The following ROBO2 variants were observed in gnomAD, a reference collection of about 807,000 sequenced individuals.
ROBO2 encodes roundabout homolog 2.
Under a neutral mutation model 160.8 loss-of-function variants are expected in ROBO2, and 53 were observed. The ratio of observed to expected loss-of-function variants is 0.33; its 90% CI spans 0.26 to 0.41. The LOEUF (loss-of-function observed/expected upper bound fraction) is 0.41, where lower values mean the gene tolerates loss of function less well. ROBO2 is among the 10% of genes least tolerant of loss of function. The pLI, the probability that ROBO2 is intolerant of heterozygous loss-of-function variation, is 1.00. For missense variants in ROBO2, 1,577 were observed against 1,722.4 expected (o/e 0.92, Z 1.49); for synonymous variants, 664 against 611.7 (o/e 1.09, Z -1.26).
At chr3:77,341,276 G>A (rs1238123886) in intron 2 of ROBO2, among the ~76,000 whole-genome samples, 1 of 152,028 alleles carries the variant, frequency 6.6e-6, no homozygotes, top group African/African-American at 2.4e-5. Flanking sequence ...TTCTATTAGA[G>A]CAGAGGTGAA....
At chr3:76,645,256 A>G (rs967552534) in intron 2 of ROBO2, among the ~76,000 whole-genome samples, 24 of 152,212 alleles carry the variant, frequency 1.6e-4, no homozygotes, top group African/African-American at 5.5e-4. Context: ...GGGGATTTCA[A>G]AAAGCTTGTA....
At chr3:76,727,644 G>A (rs967023486) in intron 2 of ROBO2, among the ~76,000 whole-genome samples, 7 of 152,100 alleles carry the variant, frequency 4.6e-5, no homozygotes, top group South Asian at 2.1e-4. Context: ...AGTTGGGCAC[G>A]GAAACAAATA....
At chr3:76,438,084 T>G (rs1329260608) in intron 2 of ROBO2, among the ~76,000 whole-genome samples, 1 of 152,130 alleles carries the variant, frequency 6.6e-6, no homozygotes, top group African/African-American at 2.4e-5. Flanking sequence ...ATAACTTTGT[T>G]GGATTTGCAA....
chr3:76,693,065 A>G (rs2092841408), intron 2 of ROBO2, among the ~76,000 whole-genome samples: 1 of 149,470 alleles, frequency 6.7e-6, no homozygotes, highest in African/African-American at 2.4e-5. Context: ...TATAGTGTGT[A>G]TCTATATATA....
At chr3:76,863,961 CTGT>C (rs1167522537) in intron 2 of ROBO2, among the ~76,000 whole-genome samples, 1 of 152,034 alleles carries the variant, frequency 6.6e-6, no homozygotes, top group Admixed American at 6.6e-5. Flanking sequence ...AGGAATTTCA[CTGT>C]CATGAAATAT....
intron 2 of ROBO2, among the ~76,000 whole-genome samples, chr3:76,020,995 T>A (rs1301773927): frequency 6.6e-6 from 1 of 151,872 alleles, no homozygotes; most frequent in Admixed American, 6.6e-5. Context: ...TTTTACTGAA[T>A]GCACTTTATC....
At chr3:77,511,280 A>G (rs1221570006) in intron 5 of ROBO2, among the ~76,000 whole-genome samples, 1 of 151,958 alleles carries the variant, frequency 6.6e-6, no homozygotes, top group African/African-American at 2.4e-5. Context: ...AGACAGCCAC[A>G]GGCTACACTG....
intron 2 of ROBO2, among the ~76,000 whole-genome samples, chr3:75,954,112 G>T (rs1346411810): frequency 6.6e-6 from 1 of 151,828 alleles, no homozygotes; most frequent in Admixed American, 6.6e-5. Context: ...CATAAAGGAA[G>T]CAGGTCAAAA....
chr3:76,320,210 C>T (rs1204228239), intron 2 of ROBO2, among the ~76,000 whole-genome samples: 1 of 152,048 alleles, frequency 6.6e-6, no homozygotes, highest in Non-Finnish European at 1.5e-5. Context: ...GTACCTTTAG[C>T]AATAATATTT....
At chr3:76,878,354 A>T (rs2072991007) in intron 2 of ROBO2, among the ~76,000 whole-genome samples, 1 of 152,212 alleles carries the variant, frequency 6.6e-6, no homozygotes, top group Non-Finnish European at 1.5e-5. Flanking sequence ...AAATGACACA[A>T]GGTGCTTTAT....
intron 2 of ROBO2, among the ~76,000 whole-genome samples, chr3:76,503,775 G>A (rs2080612664): frequency 1.3e-5 from 2 of 152,248 alleles, no homozygotes; most frequent in African/African-American, 4.8e-5. Context: ...AGAGTCAAAC[G>A]GTGATTAGTG....
chr3:76,801,669 C>G (rs1331901298), intron 2 of ROBO2, among the ~76,000 whole-genome samples: 1 of 152,014 alleles, frequency 6.6e-6, no homozygotes, highest in Non-Finnish European at 1.5e-5. Context: ...TGCCGTTTTG[C>G]TTTCTTATCA....
At chr3:77,289,988 CG>C (rs1387982607) in intron 2 of ROBO2, among the ~76,000 whole-genome samples, 3 of 150,292 alleles carry the variant, frequency 2.0e-5, no homozygotes, top group African/African-American at 7.4e-5. Context: ...GATGGTTAAA[CG>C]GGTAAACTGA....
At chr3:77,133,557 G>C (rs185044870) in intron 2 of ROBO2, among the ~76,000 whole-genome samples, 1 of 152,278 alleles carries the variant, frequency 6.6e-6, no homozygotes, top group Admixed American at 6.5e-5. Context: ...AAAGAACTGT[G>C]TATTTTGCAA....
intron 2 of ROBO2, among the ~76,000 whole-genome samples, chr3:76,666,930 A>T (rs2092071571): frequency 1.3e-5 from 2 of 150,190 alleles, no homozygotes; most frequent in Non-Finnish European, 3.0e-5. Flanking sequence ...CTCTGATAAT[A>T]TTTCTATGTC....
rs141465535 is a variant in ROBO2, at chr3:76,368,428, ATTG to A, written c.109+430832_109+430834del. Reference sequence around the variant, plus strand: ...TATATGTCATTGACCAAGGCCAGCAATTGTTGTTCAGCAGCCTCAAGAAATAAT... The same window carrying A: ...TATATGTCATTGACCAAGGCCAGCAATTGTTCAGCAGCCTCAAGAAATAAT... On this transcript the variant is annotated intron_variant, in intron 2 of 26. Transcript: ENST00000487694. Among the ~76,000 whole-genome samples the A allele has an allele frequency of 4.9e-3, 748 of 152,016 alleles. 8 individuals are homozygous for A. The highest frequency in any genetic ancestry group is 0.025 in the Admixed American group (385 of 15,244).
At chr3:76,260,864 C>A (rs988098743) in intron 2 of ROBO2, among the ~76,000 whole-genome samples, 2 of 151,912 alleles carry the variant, frequency 1.3e-5, no homozygotes, top group Non-Finnish European at 2.9e-5. Flanking sequence ...AGCAATAAAC[C>A]TGAATGGTCC....
intron 2 of ROBO2, among the ~76,000 whole-genome samples, chr3:77,417,454 G>A (rs913324885): frequency 2.7e-5 from 4 of 147,640 alleles, no homozygotes; most frequent in Non-Finnish European, 6.2e-5. Context: ...TATGCCCAGT[G>A]GAAAATGATA....
At chr3:76,463,882 G>A in intron 2 of ROBO2, among the ~76,000 whole-genome samples, 1 of 152,180 alleles carries the variant, frequency 6.6e-6, no homozygotes, top group East Asian at 1.9e-4. Flanking sequence ...CTCAAGTAAG[G>A]GCCTGTTCAA....
Sources: gnomAD v4.1 joint callset for allele counts (sites outside exome capture counted in the v4.1 genomes callset) on GRCh38, gnomAD v4.1.1 for gene constraint, MANE v1.5 for transcripts, NCBI Gene and HGNC (gene_info 2026-07-23, HGNC 2026-07-21) for gene names.